Variants in CFTR observed in about 807,000 individuals in gnomAD.
The protein encoded by CFTR is CF transmembrane conductance regulator.
In CFTR, 181 loss-of-function variants were observed where a neutral mutation model predicts 171.6. The observed-to-expected ratio is 1.05, with a 90% CI of 0.93 to 1.19. The LOEUF is 1.19. Among genes scored for constraint, CFTR ranks in the 50% most tolerant of loss-of-function variants. The pLI, the probability that CFTR is intolerant of heterozygous loss-of-function variation, is 0.00. For missense variants in CFTR, 1,968 were observed against 1,734.7 expected, an observed-to-expected ratio of 1.13 and a Z score of -2.39; for synonymous variants, 583 against 608.0, an observed-to-expected ratio of 0.96 and a Z score of 0.60.
chr7:117,496,900 T>G (rs1027131391), intron 1 of CFTR, among the ~76,000 whole-genome samples: 4 of 147,846 alleles, frequency 2.7e-5, no homozygotes, highest in Non-Finnish European at 4.6e-5. Context: ...TCATTGTGAG[T>G]TTTTTTTTTC....
At chr7:117,508,010 A>G (rs1798448791) in intron 2 of CFTR, among the ~76,000 whole-genome samples, 1 of 152,172 alleles carries the variant, frequency 6.6e-6, no homozygotes, top group Non-Finnish European at 1.5e-5. Flanking sequence ...TCCTGACCTC[A>G]AGTGATCTGC....
intron 11 of CFTR, among the ~76,000 whole-genome samples, chr7:117,559,904 G>A (rs1160558275): frequency 1.3e-5 from 2 of 151,942 alleles, no homozygotes; most frequent in East Asian, 1.9e-4. Context: ...TGCATTTTAT[G>A]AAATGGTGAG....
In CFTR at chr7:117,592,412, C is replaced by T. The variant is rs151235408; in HGVS notation, c.2245C>T (p.Leu749=). 7.4e-4 allele frequency: 1,198 copies of T among 1,613,358 alleles called. 1 individual carries two copies. Among genetic ancestry groups the T allele is most frequent in the Non-Finnish European group, 9.4e-4 (1,109 of 1,179,608 alleles). The change falls in exon 14 of 27, where the codon CTG becomes TTG. Residue 749 remains leucine, a synonymous_variant. Transcript: ENST00000003084. ...VPDSEQGEAI[L]PRISVISTGP... ...AGATTCTGAGCAGGGAGAGGCGATA[C>T]TGCCTCGCATCAGCGTGATCAGCAC... is the stretch of plus-strand genomic sequence containing the variant.
intron 1 of CFTR, among the ~76,000 whole-genome samples, chr7:117,488,315 CTTAG>C (rs1189653178): frequency 2.6e-5 from 4 of 151,872 alleles, no homozygotes; most frequent in Admixed American, 2.6e-4. Flanking sequence ...TTTAGTCTTT[CTTAG>C]TTTAAAATAA....
rs144641853 is a variant in CFTR, at chr7:117,626,455, G to T, written c.3469-1067G>T. Among the ~76,000 whole-genome samples the T allele has an allele frequency of 1.4e-3, 213 of 152,166 alleles. 1 individual carries two copies. The highest frequency in any genetic ancestry group is 0.012 in the East Asian group (61 of 5,186). ...GTGTTAATATTGTAAAGGAAAGCTA[G>T]TTAAGTTTTTGACTGAATAAAGCCA... On this transcript the variant is annotated intron_variant, in intron 21 of 26. Coordinates refer to ENST00000003084, the MANE Select transcript of CFTR (RefSeq NM_000492.4).
chr7:117,652,143 G>A (rs1793098397), intron 23 of CFTR, among the ~76,000 whole-genome samples: 1 of 152,116 alleles, frequency 6.6e-6, no homozygotes, highest in South Asian at 2.1e-4. Flanking sequence ...ACGGTGATCT[G>A]GTAAGTAGAT....
intron 1 of CFTR, among the ~76,000 whole-genome samples, chr7:117,500,660 T>G (rs1798310717): frequency 6.6e-6 from 1 of 152,182 alleles, no homozygotes; most frequent in African/African-American, 2.4e-5. Flanking sequence ...TTAAGATGAC[T>G]CTGTGGTCAT....
chr7:117,663,024 A>G (rs1431365964), intron 24 of CFTR, among the ~76,000 whole-genome samples: 2 of 152,182 alleles, frequency 1.3e-5, no homozygotes, highest in South Asian at 2.1e-4. Context: ...TAGATGTTTT[A>G]AGAAAGGAAA....
chr7:117,546,368 C>T (rs1799147595), intron 9 of CFTR, among the ~76,000 whole-genome samples: 1 of 152,110 alleles, frequency 6.6e-6, no homozygotes, highest in Non-Finnish European at 1.5e-5. Context: ...CTCCTGTTCT[C>T]AAACAATCCT....
intron 8 of CFTR, among the ~76,000 whole-genome samples, 174 bp downstream of exon 8, chr7:117,540,520 C>A (rs1356903857): frequency 6.6e-6 from 1 of 152,178 alleles, no homozygotes; most frequent in Non-Finnish European, 1.5e-5. Context: ...CTTTTCCTAG[C>A]ATTTCTCTGG....
chr7:117,540,405 G>A, intron 8 of CFTR, 59 bp downstream of exon 8: 7 of 1,503,764 alleles, frequency 4.7e-6, no homozygotes, highest in Non-Finnish European at 6.3e-6. Flanking sequence ...CAATAGATCA[G>A]TTCTAATGAA....
At chr7:117,524,404 A>C (rs1345777304) in intron 3 of CFTR, among the ~76,000 whole-genome samples, 1 of 152,108 alleles carries the variant, frequency 6.6e-6, no homozygotes, top group Non-Finnish European at 1.5e-5. Context: ...AAAAAAAAAA[A>C]AAACCAAATC....
In CFTR at chr7:117,509,133, A is replaced by C. The variant is rs149662778; in HGVS notation, c.264A>C (p.Leu88Phe). The C allele has an allele frequency of 7.1e-6, 11 of 1,546,654 alleles. No individual in the cohort carries two copies. Among genetic ancestry groups the C allele is most frequent in the Non-Finnish European group, 9.8e-6 (11 of 1,118,918 alleles). The change falls in exon 3 of 27, where the codon TTA (leucine) becomes TTC (phenylalanine). Residue 88 changes from leucine (L) to phenylalanine (F), a missense_variant. By Grantham distance (22) the Leu-to-Phe change is conservative. Transcript: ENST00000003084. ...FWRFMFYGIF[L>F]YLGEVTKAVQ... is the part of the protein sequence containing the mutation. The stretch of plus-strand genomic sequence containing the variant: ...GATTTATGTTCTATGGAATCTTTTT[A>C]TATTTAGGGGTAAGGATCTCATTTG...
At chr7:117,533,754 A>C (rs563286809) in intron 4 of CFTR, among the ~76,000 whole-genome samples, 2 of 152,308 alleles carry the variant, frequency 1.3e-5, no homozygotes, top group East Asian at 3.9e-4. Context: ...ACTACGTTTC[A>C]TATAGCATTG....
intron 5 of CFTR, among the ~76,000 whole-genome samples, chr7:117,534,733 A>G (rs1798920051): frequency 6.6e-6 from 1 of 152,228 alleles, no homozygotes; most frequent in Admixed American, 6.5e-5. Context: ...CTTGGGACAG[A>G]TAATGTGTTT....
At chr7:117,596,212 T>C (rs213974) in intron 15 of CFTR, among the ~76,000 whole-genome samples, 82,950 of 151,992 alleles carry the variant, frequency 0.55, 25,322 homozygotes, top group African/African-American at 0.84. Flanking sequence ...TCTGGGTGGG[T>C]GTGGGCTGGG....
rs550333879 is a variant in CFTR at position 117,507,833 on chromosome 7, C to G, written c.165-1201C>G. Among the ~76,000 whole-genome samples the G allele has an allele frequency of 3.9e-5, 6 of 152,234 alleles. No homozygotes were observed. In the South Asian group the frequency reaches 1.2e-3, roughly 32 times the overall value. ...TTGAGACAGAGTCTCGCTGTGTCAC[C>G]CAGGCTGGAGTGTAGTGGTGTGATC... On this transcript the variant is annotated intron_variant, in intron 2 of 26. Transcript: ENST00000003084.
At chr7:117,541,344 G>A (rs1278669438) in intron 8 of CFTR, among the ~76,000 whole-genome samples, 1 of 152,050 alleles carries the variant, frequency 6.6e-6, no homozygotes, top group East Asian at 1.9e-4. Flanking sequence ...AACCAAACTG[G>A]GAGAAAATGA....
intron 3 of CFTR, among the ~76,000 whole-genome samples, chr7:117,513,284 A>G (rs1178151294): frequency 1.3e-5 from 2 of 152,132 alleles, no homozygotes; most frequent in African/African-American, 4.8e-5. Flanking sequence ...GTGGCAAGAC[A>G]GGTTATGAGA....
Sources: allele counts gnomAD v4.1 joint callset (sites outside exome capture counted in the v4.1 genomes callset), GRCh38; gene constraint gnomAD v4.1.1; transcripts MANE v1.5; gene names NCBI Gene and HGNC (gene_info 2026-07-23, HGNC 2026-07-21).